PRKN: variants seen among roughly 807,000 people sequenced by gnomAD.
PRKN encodes E3 ubiquitin-protein ligase parkin.
In PRKN, 56 loss-of-function variants were observed where a neutral mutation model predicts 59.5. The ratio of observed to expected loss-of-function variants is 0.94; its 90% CI spans 0.76 to 1.18. The LOEUF (loss-of-function observed/expected upper bound fraction) is 1.18. Ranked by LOEUF, PRKN falls within the 50% of genes most tolerant of loss-of-function variation. The pLI, the probability that PRKN is intolerant of heterozygous loss-of-function variation, is 0.00. For missense variants in PRKN, 657 were observed against 596.4 expected, an observed-to-expected ratio of 1.10 and a Z score of -1.06; for synonymous variants, 250 against 222.1, an observed-to-expected ratio of 1.13 and a Z score of -1.12.
intron 7 of PRKN, among the ~76,000 whole-genome samples, chr6:161,632,966 A>G (rs1341024686): frequency 6.6e-6 from 1 of 152,238 alleles, no homozygotes; most frequent in Non-Finnish European, 1.5e-5. Context: ...GGGTGGGGAC[A>G]CAGTCAAACC....
At chr6:161,969,268 G>GTTTTTTTTTT (rs61461516) in intron 6 of PRKN, among the ~76,000 whole-genome samples, 1 of 133,986 alleles carries the variant, frequency 7.5e-6, no homozygotes, top group African/African-American at 2.8e-5. Context: ...AGTCTTATTT[G>GTTTTTTTTTT]TTTTTTTTTT....
chr6:161,867,854 A>G (rs1230383464), intron 6 of PRKN, among the ~76,000 whole-genome samples: 6 of 151,722 alleles, frequency 4.0e-5, no homozygotes, highest in East Asian at 1.9e-4. Flanking sequence ...TCCACCTCCC[A>G]GGTTCAAGCG....
intron 3 of PRKN, among the ~76,000 whole-genome samples, chr6:162,235,680 G>C (rs1257318965): frequency 6.6e-6 from 1 of 151,736 alleles, no homozygotes; most frequent in East Asian, 1.9e-4. Context: ...GCTGGTGCCT[G>C]TAATCCCAGC....
chr6:161,484,154 C>G lies in PRKN; in HGVS notation c.1083+64700G>C, dbSNP rs1791543146. ...TACCTATATAACAAACCTGCACATC[C>G]TGCACATGTACCCCTGAACTTAAAA... is the stretch of plus-strand genomic sequence containing the variant. On this transcript the variant is annotated intron_variant, in intron 9 of 11. Transcript: ENST00000366898. The surrounding 1 kb of genome is among the most constrained non-coding windows in gnomAD (Gnocchi z 4.9). 6.6e-6 allele frequency among the ~76,000 whole-genome samples: 1 copy of G among 152,112 alleles called. No homozygotes were observed. Among genetic ancestry groups the G allele is most frequent in the Non-Finnish European group, 1.5e-5 (1 of 68,018 alleles).
Position 162,443,466 on chromosome 6 carries a change from G to A in PRKN, c.15C>T (p.Val5=). 10 of 1,614,004 alleles carry A rather than the reference G, an allele frequency of 6.2e-6. No individual in the cohort carries two copies. The highest frequency in any genetic ancestry group is 8.5e-6 in the Non-Finnish European group (10 of 1,179,908). Residue 5 remains valine (V), a synonymous_variant, in exon 2 of 12, where the codon GTC becomes GTT. Coordinates refer to ENST00000366898, the MANE Select transcript of PRKN (RefSeq NM_004562.3). MIVF[V]RFNSSHGFPV... is the part of the protein sequence containing the mutation. ...GGAAACCATGGCTGGAGTTGAACCT[G>A]ACAAACACTGACCAAGGAAATTGGA...
intron 7 of PRKN, among the ~76,000 whole-genome samples, chr6:161,667,806 T>C (rs1448589941): frequency 2.0e-5 from 3 of 152,222 alleles, no homozygotes; most frequent in African/African-American, 7.2e-5. Context: ...GTAATTCTTA[T>C]TATAATATTT....
intron 6 of PRKN, among the ~76,000 whole-genome samples, chr6:161,813,112 T>C (rs1791627052): frequency 6.6e-6 from 1 of 152,190 alleles, no homozygotes; most frequent in South Asian, 2.1e-4. Flanking sequence ...GAGAGACTCG[T>C]AGCAGGAAGA....
At chr6:161,969,636 C>A (rs1005206709) in intron 6 of PRKN, among the ~76,000 whole-genome samples, 1 of 151,914 alleles carries the variant, frequency 6.6e-6, no homozygotes, top group Non-Finnish European at 1.5e-5. Context: ...GTCCCCCTGA[C>A]CAGGAGGGAG....
chr6:161,855,228 G>A (rs1320390979), intron 6 of PRKN, among the ~76,000 whole-genome samples: 1 of 152,138 alleles, frequency 6.6e-6, no homozygotes, highest in African/African-American at 2.4e-5. Flanking sequence ...TGATCAGGGT[G>A]GGGTTTTGGG....
chr6:162,317,869 G>A (rs1279002297), intron 2 of PRKN, among the ~76,000 whole-genome samples: 1 of 152,014 alleles, frequency 6.6e-6, no homozygotes, highest in Non-Finnish European at 1.5e-5. Flanking sequence ...TTCAGTAATT[G>A]AATATAGATA....
At chr6:161,979,002 G>GT (rs1284410301) in intron 5 of PRKN, among the ~76,000 whole-genome samples, 2 of 152,110 alleles carry the variant, frequency 1.3e-5, no homozygotes, top group Admixed American at 6.5e-5. Context: ...ACAAATGGTA[G>GT]TTCACAGATA....
At chr6:161,623,084 A>G (rs573966054) in intron 7 of PRKN, among the ~76,000 whole-genome samples, 3 of 152,356 alleles carry the variant, frequency 2.0e-5, no homozygotes, top group Admixed American at 6.5e-5. Flanking sequence ...TAAGAAAAAG[A>G]TAATAGAAAA....
chr6:162,134,878 T>G (rs1347203573), intron 4 of PRKN, among the ~76,000 whole-genome samples: 3 of 152,168 alleles, frequency 2.0e-5, no homozygotes, highest in African/African-American at 7.2e-5. Context: ...ATTATTACAA[T>G]AGAGCTATTT....
At chr6:161,628,038 TC>T (rs1305940272) in intron 7 of PRKN, among the ~76,000 whole-genome samples, 1 of 152,198 alleles carries the variant, frequency 6.6e-6, no homozygotes, top group Non-Finnish European at 1.5e-5. Context: ...CATGATGGTG[TC>T]ATGTATCATG....
Position 162,281,704 on chromosome 6 carries a change from T to C in PRKN, c.172-18939A>G, listed in dbSNP as rs547000532. Among the ~76,000 whole-genome samples, 99 of 152,316 alleles carry C rather than the reference T, an allele frequency of 6.5e-4. 2 individuals carry two copies. The South Asian group carries it at 0.02, about 30-fold the overall frequency. ...TAGTCAAATACCATAGCAAATGAGT[T>C]AAAATTTTGCAGCTCATTACAGTTT... On this transcript the variant is annotated intron_variant, in intron 2 of 11. Transcript: ENST00000366898.
chr6:162,551,725 A>G (rs1779339637), intron 1 of PRKN, among the ~76,000 whole-genome samples: 1 of 152,210 alleles, frequency 6.6e-6, no homozygotes, highest in African/African-American at 2.4e-5. Flanking sequence ...TCGTTGTAAC[A>G]TGTATTTGTG....
At position 161,550,723 on chromosome 6, in the gene PRKN, A is replaced by G. The variant is rs936112156; in HGVS notation, c.934-1720T>C. Among the ~76,000 whole-genome samples the G allele has an allele frequency of 5.0e-5, 6 of 119,348 alleles. No homozygotes were observed. The highest frequency in any genetic ancestry group is 1.6e-4 in the African/African-American group (5 of 31,564). 78.3% of individuals were successfully genotyped at this position (119,348 alleles called of 152,430 possible). A position where few individuals can be genotyped will look rare whatever the true frequency, so the allele number is the denominator to read the frequency against. On this transcript the variant is annotated intron_variant, in intron 8 of 11. Coordinates refer to ENST00000366898, the MANE Select transcript of PRKN (RefSeq NM_004562.3). This position sits in a 1 kb window ranked among gnomAD's most constrained non-coding sequence, Gnocchi z 4.0. ...GGACAACTGTGGTAGAAGAAAGGGT[A>G]TGTGTGTGTGTGCACGTGTGTGTGT...
intron 1 of PRKN, among the ~76,000 whole-genome samples, chr6:162,532,166 T>A (rs1430171096): frequency 1.9e-5 from 1 of 53,844 alleles, no homozygotes. Flanking sequence ...AACTCCTCTC[T>A]CCAGATAGCA....
Position 161,498,900 on chromosome 6 carries a change from T to C in PRKN, c.1083+49954A>G, listed in dbSNP as rs1360302223. Among the ~76,000 whole-genome samples the C allele has an allele frequency of 6.6e-6, 1 of 152,164 alleles. No individual in the cohort carries two copies. Among genetic ancestry groups the C allele is most frequent in the Non-Finnish European group, 1.5e-5 (1 of 68,030 alleles). On this transcript the variant is annotated intron_variant, in intron 9 of 11. Coordinates refer to ENST00000366898, the MANE Select transcript of PRKN (RefSeq NM_004562.3). This position sits in a 1 kb window ranked among gnomAD's most constrained non-coding sequence, Gnocchi z 4.2. ...CACCTATACATAATAAAAGCAGAGA[T>C]GGTCATGTTGAAGAGTGAGATGGGG...
Sources: allele counts gnomAD v4.1 joint callset (sites outside exome capture counted in the v4.1 genomes callset), GRCh38; gene constraint gnomAD v4.1.1; non-coding constraint Gnocchi (gnomAD v3.1); transcripts MANE v1.5; gene names NCBI Gene and HGNC (gene_info 2026-07-23, HGNC 2026-07-21).